The following CPQ variants were observed in gnomAD, a reference collection of about 807,000 sequenced individuals.
CPQ encodes the protein Ser-Met dipeptidase.
CPQ carries 37 observed loss-of-function variants against 45.7 expected under a neutral mutation model. The observed-to-expected ratio is 0.81, with a 90% CI of 0.62 to 1.07. The LOEUF (loss-of-function observed/expected upper bound fraction) is 1.07, where lower values mean the gene tolerates loss of function less well. CPQ is among the 50% of genes least tolerant of loss of function. CPQ has a pLI of 0.00. For missense variants in CPQ, 537 were observed against 572.9 expected (o/e 0.94, Z 0.64); for synonymous variants, 186 against 205.8 (o/e 0.90, Z 0.82).
intron 3 of CPQ, among the ~76,000 whole-genome samples, chr8:96,867,803 G>A (rs1178407995): frequency 6.6e-6 from 1 of 152,010 alleles, no homozygotes; most frequent in Non-Finnish European, 1.5e-5. Context: ...GTTATGTTAT[G>A]ACTTTCTCAT....
intron 3 of CPQ, among the ~76,000 whole-genome samples, chr8:96,861,866 G>T (rs1240062749): frequency 6.6e-6 from 1 of 152,072 alleles, no homozygotes; most frequent in South Asian, 2.1e-4. Flanking sequence ...AACAAATATT[G>T]TGGGCACTCA....
intron 4 of CPQ, among the ~76,000 whole-genome samples, chr8:96,908,517 T>C (rs975499254): frequency 7.9e-5 from 12 of 152,126 alleles, no homozygotes; most frequent in Admixed American, 4.6e-4. Context: ...CCTATGAAAC[T>C]GTGGCATGAA....
At chr8:96,996,065 A>G (rs1434748474) in intron 5 of CPQ, among the ~76,000 whole-genome samples, 1 of 152,036 alleles carries the variant, frequency 6.6e-6, no homozygotes, top group Non-Finnish European at 1.5e-5. Flanking sequence ...AGAGAAAGCC[A>G]GAAAGAACAG....
At chr8:96,708,231 T>TTGA (rs1809558608) in intron 1 of CPQ, among the ~76,000 whole-genome samples, 1 of 152,086 alleles carries the variant, frequency 6.6e-6, no homozygotes, top group Non-Finnish European at 1.5e-5. Flanking sequence ...TGAGCACACC[T>TTGA]TGATAATCCA....
intron 7 of CPQ, among the ~76,000 whole-genome samples, chr8:97,080,593 T>C (rs2130550468): frequency 6.6e-6 from 1 of 152,328 alleles, no homozygotes; most frequent in South Asian, 2.1e-4. Context: ...TTGCTCAGTA[T>C]TAAAGTTCAG....
At chr8:96,696,014 C>T (rs1342819321) in intron 1 of CPQ, among the ~76,000 whole-genome samples, 1 of 150,694 alleles carries the variant, frequency 6.6e-6, no homozygotes, top group South Asian at 2.1e-4. Context: ...TGGCATTATT[C>T]ACAATAGCAA....
rs199912422 is a variant in CPQ at position 96,785,145 on chromosome 8, A to T, written c.248A>T (p.Asn83Ile). ...GGACCCAGACTGAGTGGCTCCAAGA[A>T]CCTAGAAAAAGCCATCCAAATTATG... is the stretch of plus-strand genomic sequence containing the variant. ...TVGPRLSGSK[N>I]LEKAIQIMYQ... is the part of the protein sequence containing the mutation. The change falls in exon 2 of 8, where the codon AAC becomes ATC. Residue 83 changes from asparagine to isoleucine, a missense_variant. Transcript: ENST00000220763. The T allele has an allele frequency of 3.1e-6, 5 of 1,613,586 alleles. No homozygotes were observed. Among genetic ancestry groups the T allele is most frequent in the Non-Finnish European group, 3.4e-6 (4 of 1,179,814 alleles).
chr8:97,129,247 T>TCTCA (rs1330381291), intron 7 of CPQ, among the ~76,000 whole-genome samples: 1 of 152,162 alleles, frequency 6.6e-6, no homozygotes, highest in Non-Finnish European at 1.5e-5. Context: ...AGAATTGCCC[T>TCTCA]CTCACTCCAC....
chr8:97,122,651 C>G (rs1467632139), intron 7 of CPQ, among the ~76,000 whole-genome samples: 1 of 151,730 alleles, frequency 6.6e-6, no homozygotes, highest in Non-Finnish European at 1.5e-5. Flanking sequence ...TTTGGGAGGC[C>G]AAGGCACGCG....
chr8:96,936,878 T>C (rs998753593), intron 4 of CPQ, among the ~76,000 whole-genome samples: 1 of 152,162 alleles, frequency 6.6e-6, no homozygotes, highest in Non-Finnish European at 1.5e-5. Context: ...TTCCCATAGC[T>C]TTAAAAGTCA....
At position 96,740,316 on chromosome 8, in the gene CPQ, T is replaced by A. The variant is rs181514838; in HGVS notation, c.-34-44548T>A. On this transcript the variant is annotated intron_variant, in intron 1 of 7. Transcript: ENST00000220763. ...GTGATTTTTGTACCTTGATTTTTTA[T>A]CCTGAGACTTTGCTGAAGTTGCTTA... Among the ~76,000 whole-genome samples the A allele has an allele frequency of 3.2e-3, 481 of 152,348 alleles. 5 individuals are homozygous for A. Among genetic ancestry groups the A allele is most frequent in the African/African-American group, 0.011 (464 of 41,572 alleles).
chr8:96,743,433 A>C (rs1342818768), intron 1 of CPQ, among the ~76,000 whole-genome samples: 1 of 152,102 alleles, frequency 6.6e-6, no homozygotes, highest in Non-Finnish European at 1.5e-5. Flanking sequence ...GTCCTCCCAT[A>C]GCTTGGAGTA....
chr8:96,966,046 G>A lies in CPQ; in HGVS notation c.961G>A (p.Gly321Arg). 1 of 1,604,394 alleles carries A rather than the reference G, an allele frequency of 6.2e-7. No individual in the cohort carries two copies. The change falls in exon 5 of 8, where the codon GGG becomes AGG. Residue 321 changes from glycine to arginine, a missense_variant and splice_region_variant. Physicochemically the swap from Gly to Arg is moderately radical, Grantham distance 125. Coordinates refer to ENST00000220763, the MANE Select transcript of CPQ (RefSeq NM_016134.4). ...AGCACTCTCACTTATTAAAGATCTTGGTAAATATTTAGAAAATTGTTAACT... is the reference window on the plus strand; with the variant it reads ...AGCACTCTCACTTATTAAAGATCTTAGTAAATATTTAGAAAATTGTTAACT... ...WEALSLIKDL[G>R]LRPKRTLRLV...
At chr8:97,046,363 G>T (rs1200658576) in intron 6 of CPQ, among the ~76,000 whole-genome samples, 1 of 151,586 alleles carries the variant, frequency 6.6e-6, no homozygotes, top group Non-Finnish European at 1.5e-5. Flanking sequence ...GTTGCCCCTA[G>T]CAACCAGCAG....
chr8:96,891,187 T>G (rs1314062589), intron 4 of CPQ, among the ~76,000 whole-genome samples: 4 of 152,222 alleles, frequency 2.6e-5, no homozygotes, highest in Non-Finnish European at 4.4e-5. Flanking sequence ...TGGAATACCA[T>G]GACGGTGGAT....
chr8:97,045,318 G>A (rs543503413), intron 6 of CPQ, among the ~76,000 whole-genome samples: 3 of 152,204 alleles, frequency 2.0e-5, no homozygotes, highest in African/African-American at 7.2e-5. Flanking sequence ...CTCCTGGTGC[G>A]CCATTTTTTA....
At chr8:96,704,600 T>C (rs1268837494) in intron 1 of CPQ, among the ~76,000 whole-genome samples, 2 of 152,118 alleles carry the variant, frequency 1.3e-5, no homozygotes. Flanking sequence ...AAAATTGATA[T>C]ATCTGGAGTT....
intron 4 of CPQ, among the ~76,000 whole-genome samples, chr8:96,924,142 G>T (rs1463852500): frequency 1.3e-5 from 2 of 152,206 alleles, no homozygotes; most frequent in Non-Finnish European, 2.9e-5. Flanking sequence ...GAACTCAAAA[G>T]TGGATGCAGA....
rs141427062 is a variant in CPQ, at chr8:96,709,684, G to A, written c.-35+64282G>A. Reference sequence around the variant, plus strand: ...TCTGAGTACACATAAATGTGGTTGTGTATTAACTTGTGAATGCAAAACCAT... The same window carrying A: ...TCTGAGTACACATAAATGTGGTTGTATATTAACTTGTGAATGCAAAACCAT... On this transcript the variant is annotated intron_variant, in intron 1 of 7. Coordinates refer to ENST00000220763, the MANE Select transcript of CPQ (RefSeq NM_016134.4). Among the ~76,000 whole-genome samples the A allele has an allele frequency of 1.8e-3, 267 of 152,146 alleles. 3 individuals carry two copies. The highest frequency in any genetic ancestry group is 6.1e-3 in the African/African-American group (252 of 41,532).
Sources: allele counts gnomAD v4.1 joint callset (sites outside exome capture counted in the v4.1 genomes callset), GRCh38; gene constraint gnomAD v4.1.1; transcripts MANE v1.5; gene names NCBI Gene and HGNC (gene_info 2026-07-23, HGNC 2026-07-21).